The following SATL1 variants were observed in gnomAD, a reference collection of about 807,000 sequenced individuals.
SATL1 encodes spermidine/spermine N(1)-acetyltransferase-like protein 1.
Under a neutral mutation model 51.8 loss-of-function variants are expected in SATL1, and 47 were observed. The ratio of observed to expected loss-of-function variants is 0.91; its 90% CI spans 0.72 to 1.16. The LOEUF is 1.16. SATL1 is among the 50% of genes most tolerant of loss of function. SATL1 has a pLI of 0.00. For missense variants in SATL1, 520 were observed against 526.4 expected, an observed-to-expected ratio of 0.99 and a Z score of 0.12; for synonymous variants, 176 against 182.4, an observed-to-expected ratio of 0.97 and a Z score of 0.28.
intron 3 of SATL1, among the ~76,000 whole-genome samples, chrX:85,106,727 T>C (rs183653273): frequency 5.4e-5 from 6 of 111,897 alleles, no homozygotes; most frequent in Non-Finnish European, 9.4e-5. Context: ...AACATTTAAA[T>C]GAGAAATATG....
intron 4 of SATL1, 61 bp from the exon 5 acceptor site, chrX:85,095,057 G>T: frequency 1.6e-6 from 1 of 623,851 alleles, no homozygotes; most frequent in Non-Finnish European, 2.6e-6. Flanking sequence ...AGGAGATGGT[G>T]GATAGGAAGC....
intron 2 of SATL1, among the ~76,000 whole-genome samples, chrX:85,151,338 C>T (rs764135056): frequency 9.9e-5 from 11 of 111,483 alleles, no homozygotes; most frequent in Non-Finnish European, 2.1e-4. Context: ...AATGGAAGAA[C>T]ATTCCATGCT....
Position 85,156,425 on chromosome X carries a change from G to C in SATL1, c.-312-47145C>G, listed in dbSNP as rs1450232318. 9.0e-5 allele frequency: 10 copies of C among 110,961 alleles called. No homozygotes were observed. The East Asian group carries it at 2.8e-3, about 32-fold the overall frequency. 9.1% of individuals were successfully genotyped at this position (110,961 alleles called of 1,213,427 possible). A position where few individuals can be genotyped will look rare whatever the true frequency, so the allele number is the denominator to read the frequency against. ...CCTGATCAAGGCCGGGTAAACACTG[G>C]AACTCATTTGCCAGATAAACTAAGT... On this transcript the variant is annotated intron_variant, in intron 2 of 7. Coordinates refer to ENST00000644105, the MANE Select transcript of SATL1 (RefSeq NM_001367857.2).
intron 2 of SATL1, among the ~76,000 whole-genome samples, chrX:85,220,672 A>C (rs993892033): frequency 4.3e-4 from 36 of 83,778 alleles, no homozygotes; most frequent in Admixed American, 1.2e-3. Flanking sequence ...AAAAAAAAAA[A>C]AAAAAAAAAA....
chrX:85,162,450 GA>G (rs1295481512), intron 2 of SATL1, among the ~76,000 whole-genome samples: 1 of 111,457 alleles, frequency 9.0e-6, no homozygotes, highest in Non-Finnish European at 1.9e-5. Context: ...TGAGTCCTTA[GA>G]GTTTTGTAGG....
intron 4 of SATL1, among the ~76,000 whole-genome samples, chrX:85,096,773 T>C (rs2147681476): frequency 9.2e-6 from 1 of 108,597 alleles, no homozygotes; most frequent in African/African-American, 3.4e-5. Context: ...GCAGGGACTG[T>C]CAACTAAGAA....
chrX:85,116,546 C>A (rs1602843639), intron 2 of SATL1, among the ~76,000 whole-genome samples: 1 of 111,871 alleles, frequency 8.9e-6, no homozygotes, highest in South Asian at 3.8e-4. Context: ...TGAGCCATTT[C>A]TTCCCTTACC....
At chrX:85,165,244 CT>C (rs1487683231) in intron 2 of SATL1, among the ~76,000 whole-genome samples, 1 of 110,956 alleles carries the variant, frequency 9.0e-6, no homozygotes, top group South Asian at 3.8e-4. Context: ...ATTTAAAATT[CT>C]TTTTTCCTTG....
At chrX:85,190,133 G>A (rs1927403539) in intron 2 of SATL1, among the ~76,000 whole-genome samples, 1 of 111,515 alleles carries the variant, frequency 9.0e-6, no homozygotes. Flanking sequence ...ATAAGCTAAG[G>A]ACAAAATAAT....
Position 85,189,541 on chromosome X carries a change from T to A in SATL1, c.-313+34664A>T, listed in dbSNP as rs187090210. Among the ~76,000 whole-genome samples the A allele has an allele frequency of 4.2e-4, 47 of 112,063 alleles. No homozygotes were observed. In the East Asian group the frequency reaches 0.012, roughly 29 times the overall value. ...AAGATTTCCTAACAGCTACGTGGCA[T>A]CCCAAAAGGTAGCTACTTTGTGAAT... On this transcript the variant is annotated intron_variant, in intron 2 of 7. Transcript: ENST00000644105.
At chrX:85,187,436 C>G (rs1028152815) in intron 2 of SATL1, among the ~76,000 whole-genome samples, 1 of 111,378 alleles carries the variant, frequency 9.0e-6, no homozygotes, top group Non-Finnish European at 1.9e-5. Context: ...CAGTTTTTCA[C>G]CATTCTGAGC....
rs767116746 is a variant in SATL1, at chrX:85,204,747, AC to A, written c.-313+19457del. ...GAATACGCACAGGGGTTATGTGACC[AC>A]TATTCATTCGCCAGATCTTAAATAC... is the stretch of plus-strand genomic sequence containing the variant. On this transcript the variant is annotated intron_variant, in intron 2 of 7. Coordinates refer to ENST00000644105, the MANE Select transcript of SATL1 (RefSeq NM_001367857.2). Among the ~76,000 whole-genome samples the A allele has an allele frequency of 8.0e-5, 9 of 111,969 alleles. No individual in the cohort carries two copies. The East Asian group carries it at 2.5e-3, about 32-fold the overall frequency.
intron 2 of SATL1, among the ~76,000 whole-genome samples, chrX:85,201,515 G>C (rs1338876771): frequency 9.0e-6 from 1 of 110,884 alleles, no homozygotes; most frequent in African/African-American, 3.3e-5. Context: ...TGGTTACATA[G>C]ATAAATATGT....
intron 2 of SATL1, among the ~76,000 whole-genome samples, chrX:85,131,104 T>C (rs1354275769): frequency 1.8e-5 from 2 of 112,058 alleles, no homozygotes; most frequent in African/African-American, 6.5e-5. Flanking sequence ...GATGTGGTGC[T>C]GAGAAGAATG....
intron 2 of SATL1, among the ~76,000 whole-genome samples, chrX:85,124,008 A>G (rs12011511): frequency 0.15 from 16,150 of 111,000 alleles, 1,854 homozygotes; most frequent in African/African-American, 0.39. Flanking sequence ...ATATTACATT[A>G]AATTTTTTTA....
At chrX:85,231,748 G>A (rs1250912409) in intron 1 of SATL1, among the ~76,000 whole-genome samples, 1 of 111,932 alleles carries the variant, frequency 8.9e-6, no homozygotes, top group Non-Finnish European at 1.9e-5. Context: ...ATTTAGACCA[G>A]CTCTAGCCAG....
intron 2 of SATL1, among the ~76,000 whole-genome samples, chrX:85,113,839 A>G: frequency 8.9e-6 from 1 of 111,803 alleles, no homozygotes; most frequent in East Asian, 2.8e-4. Flanking sequence ...GTGCCATCAA[A>G]TACCATATGA....
At chrX:85,159,516 C>T (rs1467479990) in intron 2 of SATL1, among the ~76,000 whole-genome samples, 4 of 111,432 alleles carry the variant, frequency 3.6e-5, no homozygotes, top group Non-Finnish European at 7.5e-5. Context: ...ACCTGACTGC[C>T]CTACCCCCAA....
intron 2 of SATL1, among the ~76,000 whole-genome samples, chrX:85,140,940 C>CT (rs1330287219): frequency 1.8e-5 from 2 of 111,710 alleles, no homozygotes; most frequent in Non-Finnish European, 3.8e-5. Flanking sequence ...AACAAGAAGT[C>CT]TTAAGTTAGG....
Sources: allele counts gnomAD v4.1 joint callset (sites outside exome capture counted in the v4.1 genomes callset), GRCh38; gene constraint gnomAD v4.1.1; transcripts MANE v1.5; gene names NCBI Gene and HGNC (gene_info 2026-07-23, HGNC 2026-07-21).